ZNF506: variants seen among roughly 807,000 people sequenced by gnomAD.
ZNF506 encodes the protein zinc finger protein 506.
Under a neutral mutation model 11.6 loss-of-function variants are expected in ZNF506, and 10 were observed. That is an observed-to-expected ratio of 0.86 (90% CI 0.53 to 1.46). The LOEUF (loss-of-function observed/expected upper bound fraction) is 1.46, where lower values mean the gene tolerates loss of function less well. Ranked by LOEUF, ZNF506 falls within the 40% of genes most tolerant of loss-of-function variation. The pLI is 0.00. For synonymous variants in ZNF506, 156 were observed against 173.3 expected (o/e 0.90, Z 0.78); for missense variants, 425 against 521.2 (o/e 0.82, Z 1.80).
chr19:19,812,700 AGG>A (rs951093813), intron 1 of ZNF506, among the ~76,000 whole-genome samples: 2 of 152,208 alleles, frequency 1.3e-5, no homozygotes, highest in African/African-American at 4.8e-5. Context: ...TGCAGATTCT[AGG>A]TAGGATCAAC....
At chr19:19,810,158 C>T (rs4808993) in intron 1 of ZNF506, among the ~76,000 whole-genome samples, 4 of 152,200 alleles carry the variant, frequency 2.6e-5, no homozygotes, top group African/African-American at 4.8e-5. Flanking sequence ...CCTGTCAATG[C>T]GGATGTTGCT....
At position 19,821,388 on chromosome 19, in the gene ZNF506, G is replaced by C. The variant is rs535325979; in HGVS notation, c.3+213C>G. Reference sequence around the variant, plus strand: ...TTCCACGCCAGGGCACAGTCACTGCGCAGGGAAAAGACAGGACACCCCGGG... The same window carrying C: ...TTCCACGCCAGGGCACAGTCACTGCCCAGGGAAAAGACAGGACACCCCGGG... On this transcript the variant is annotated intron_variant, in intron 1 of 3. Transcript: ENST00000540806. 1.4e-4 allele frequency among the ~76,000 whole-genome samples: 22 copies of C among 152,264 alleles called. No individual in the cohort carries two copies. The East Asian group carries it at 4.3e-3, about 29-fold the overall frequency.
rs1330085437 is a variant in ZNF506 at position 19,821,704 on chromosome 19, G to C, written c.-101C>G. On this transcript the variant is annotated 5_prime_UTR_variant, in exon 1 of 4. Transcript: ENST00000540806. ...TGGGCCTCTAGGAGCTGACGGCACA[G>C]AGCAGTGAAGACGATAGCTGGATCT... The C allele has an allele frequency of 6.9e-7, 1 of 1,447,502 alleles. No individual in the cohort carries two copies. Among genetic ancestry groups the C allele is most frequent in the African/African-American group, 1.4e-5 (1 of 71,540 alleles). The allele number at this position is 1,447,502 out of a possible 1,614,324, so 89.7% of individuals were successfully genotyped here.
At position 19,815,142 on chromosome 19, in the gene ZNF506, C is replaced by A. The variant is rs577199535; in HGVS notation, c.3+6459G>T. Among the ~76,000 whole-genome samples the A allele has an allele frequency of 3.7e-4, 56 of 152,192 alleles. 1 individual carries two copies. The highest frequency in any genetic ancestry group is 1.3e-3 in the African/African-American group (54 of 41,522). On this transcript the variant is annotated intron_variant, in intron 1 of 3. Coordinates refer to ENST00000540806, the MANE Select transcript of ZNF506 (RefSeq NM_001099269.3). The stretch of plus-strand genomic sequence containing the variant: ...AGGCGTGGTGGCGGGCACCTGTAGT[C>A]CCAGCTACTCAGGAGGCTGAGACAG...
At chr19:19,813,485 C>T (rs1481844933) in intron 1 of ZNF506, among the ~76,000 whole-genome samples, 2 of 152,142 alleles carry the variant, frequency 1.3e-5, no homozygotes, top group Non-Finnish European at 1.5e-5. Flanking sequence ...CTATAAAAAG[C>T]AGTGTGGTGA....
In ZNF506 at chr19:19,795,628, AC is replaced by A. The variant is rs755276625; in HGVS notation, c.258del (p.Trp86CysfsTer6). The A allele has an allele frequency of 2.0e-6, 3 of 1,521,656 alleles. No individual in the cohort carries two copies. The Admixed American group carries it at 6.8e-5, about 35-fold the overall frequency. 94.3% of individuals were successfully genotyped at this position (1,521,656 alleles called of 1,614,324 possible). A position where few individuals can be genotyped will look rare whatever the true frequency, so the allele number is the denominator to read the frequency against. On this transcript the variant is annotated frameshift_variant, in exon 4 of 4. Coordinates refer to ENST00000540806, the MANE Select transcript of ZNF506 (RefSeq NM_001099269.3). LOFTEE classifies it low-confidence loss of function (END_TRUNC). ...VMYSHFAQDL[W>X]SEQSIKDSFQ... ...AAAGAATCTTTTATGCTCTGCTCTG[AC>A]CAAAGGTCTTGGGCAAAATGAGAAT...
In ZNF506 at chr19:19,809,720, C is replaced by G. The variant is rs533895144; in HGVS notation, c.4-2652G>C. Among the ~76,000 whole-genome samples, 12 of 152,212 alleles carry G rather than the reference C, an allele frequency of 7.9e-5. No homozygotes were observed. The South Asian group carries it at 2.5e-3, about 32-fold the overall frequency. The stretch of plus-strand genomic sequence containing the variant: ...TGTCCCCAGGTGCCCTCCCCTGCCA[C>G]AGACACCAGCAATTTCTGCTACAGT... On this transcript the variant is annotated intron_variant, in intron 1 of 3. Transcript: ENST00000540806.
intron 1 of ZNF506, among the ~76,000 whole-genome samples, chr19:19,819,874 G>A (rs1347631673): frequency 6.6e-6 from 1 of 152,134 alleles, no homozygotes; most frequent in Non-Finnish European, 1.5e-5. Flanking sequence ...TGAGACGGGC[G>A]GATCACGAGG....
Position 19,817,602 on chromosome 19 carries a change from G to T in ZNF506, c.3+3999C>A, listed in dbSNP as rs937388938. Among the ~76,000 whole-genome samples the T allele has an allele frequency of 3.3e-5, 5 of 152,152 alleles. No individual in the cohort carries two copies. In the South Asian group the frequency reaches 8.3e-4, roughly 25 times the overall value. ...TCTCAGAATAAAGGCTTCTTCTATG[G>T]CTGGGGTGAGCAGGCTGAGACAGCT... On this transcript the variant is annotated intron_variant, in intron 1 of 3. Transcript: ENST00000540806.
In ZNF506 at chr19:19,811,585, C is replaced by T. The variant is rs186671276; in HGVS notation, c.4-4517G>A. On this transcript the variant is annotated intron_variant, in intron 1 of 3. Coordinates refer to ENST00000540806, the MANE Select transcript of ZNF506 (RefSeq NM_001099269.3). ...TTGGTAGGCCGAGGTGGGTGGATCGCGAGGTCAGGAGTTCAAGACCAGCCT... is the reference window on the plus strand; with the variant it reads ...TTGGTAGGCCGAGGTGGGTGGATCGTGAGGTCAGGAGTTCAAGACCAGCCT... Among the ~76,000 whole-genome samples the T allele has an allele frequency of 2.7e-4, 41 of 152,186 alleles. 1 individual carries two copies. The Middle Eastern group carries it at 0.01, about 38-fold the overall frequency.
At chr19:19,798,676 A>G (rs1041759180) in intron 3 of ZNF506, 1 of 150,002 alleles carries the variant, frequency 6.7e-6, no homozygotes, top group African/African-American at 2.4e-5. Flanking sequence ...AAAAAAAAAA[A>G]GAAAATATCC....
At chr19:19,798,167 T>C (rs2062758513) in intron 3 of ZNF506, 1 of 152,144 alleles carries the variant, frequency 6.6e-6, no homozygotes, top group South Asian at 2.1e-4. Flanking sequence ...GATAAAAGTA[T>C]GGAAATTATG....
At chr19:19,801,732 A>C (rs1399811612) in intron 3 of ZNF506, among the ~76,000 whole-genome samples, 1 of 151,236 alleles carries the variant, frequency 6.6e-6, no homozygotes, top group Non-Finnish European at 1.5e-5. Context: ...CGGAGGTTGC[A>C]GTGAGCCGAG....
intron 1 of ZNF506, among the ~76,000 whole-genome samples, chr19:19,814,728 A>G (rs1012233831): frequency 6.6e-6 from 1 of 151,946 alleles, no homozygotes; most frequent in Non-Finnish European, 1.5e-5. Flanking sequence ...CCTGGGTGGG[A>G]GAGAGTGCAA....
In ZNF506 at chr19:19,814,203, G is replaced by A. The variant is rs1337636912; in HGVS notation, c.4-7135C>T. 1.1e-4 allele frequency among the ~76,000 whole-genome samples: 17 copies of A among 152,080 alleles called. No homozygotes were observed. The East Asian group carries it at 3.3e-3, about 29-fold the overall frequency. On this transcript the variant is annotated intron_variant, in intron 1 of 3. Coordinates refer to ENST00000540806, the MANE Select transcript of ZNF506 (RefSeq NM_001099269.3). ...GGGGGTGGATCACATGAGGTGCGGAGTTTGAGACCAGCCTGACCAACATGG... is the reference window on the plus strand; with the variant it reads ...GGGGGTGGATCACATGAGGTGCGGAATTTGAGACCAGCCTGACCAACATGG...
rs978517385 is a variant in ZNF506, at chr19:19,814,775, G to T, written c.3+6826C>A. Among the ~76,000 whole-genome samples, 4 of 152,068 alleles carry T rather than the reference G, an allele frequency of 2.6e-5. No homozygotes were observed. In the East Asian group the frequency reaches 5.8e-4, roughly 22 times the overall value. ...GGACTGATTTTTGGTACAGATAGTGGTCCCAGTGGGGCTGTACTCTATTTA... is the reference window on the plus strand; with the variant it reads ...GGACTGATTTTTGGTACAGATAGTGTTCCCAGTGGGGCTGTACTCTATTTA... On this transcript the variant is annotated intron_variant, in intron 1 of 3. Coordinates refer to ENST00000540806, the MANE Select transcript of ZNF506 (RefSeq NM_001099269.3).
At chr19:19,807,188 C>A in intron 1 of ZNF506, 120 bp from the exon 2 acceptor site, 1 of 1,482,202 alleles carries the variant, frequency 6.7e-7, no homozygotes, top group Non-Finnish European at 9.1e-7. Context: ...TAAAATTATC[C>A]AATAAAATGA....
chr19:19,815,115 C>A (rs1311899277), intron 1 of ZNF506, among the ~76,000 whole-genome samples: 1 of 152,026 alleles, frequency 6.6e-6, no homozygotes, highest in Non-Finnish European at 1.5e-5. Flanking sequence ...AAAAAATTAG[C>A]CAGGCGTGGT....
chr19:19,812,501 CT>C (rs2062890851), intron 1 of ZNF506, among the ~76,000 whole-genome samples: 2 of 152,226 alleles, frequency 1.3e-5, no homozygotes, highest in Admixed American at 1.3e-4. Flanking sequence ...GCTCTGGATA[CT>C]TTGCAGCCTT....
Sources: allele counts gnomAD v4.1 joint callset (sites outside exome capture counted in the v4.1 genomes callset), GRCh38; gene constraint gnomAD v4.1.1; transcripts MANE v1.5; gene names NCBI Gene and HGNC (gene_info 2026-07-23, HGNC 2026-07-21).